The following HDAC9 variants were observed in gnomAD, a reference collection of about 807,000 sequenced individuals.
HDAC9 encodes the protein MEF-2 interacting transcription repressor (MITR) protein.
HDAC9 carries 41 observed loss-of-function variants against 139.4 expected under a neutral mutation model. That is an observed-to-expected ratio of 0.29 (90% CI 0.23 to 0.38). The LOEUF (loss-of-function observed/expected upper bound fraction) is 0.38, where lower values mean the gene tolerates loss of function less well. HDAC9 is among the 10% of genes least tolerant of loss of function. HDAC9 has a pLI of 1.00. For missense variants in HDAC9, 1,147 were observed against 1,297.0 expected (o/e 0.88, Z 1.78); for synonymous variants, 517 against 476.2 (o/e 1.09, Z -1.12).
chr7:18,820,360 T>C (rs891114658), intron 17 of HDAC9, among the ~76,000 whole-genome samples: 1 of 152,190 alleles, frequency 6.6e-6, no homozygotes, highest in Non-Finnish European at 1.5e-5. Context: ...AAAAATACTA[T>C]ACAAATTCCC....
chr7:18,401,543 A>T (rs1027499167), intron 1 of HDAC9, among the ~76,000 whole-genome samples: 3 of 152,168 alleles, frequency 2.0e-5, no homozygotes, highest in African/African-American at 7.2e-5. Flanking sequence ...CATGGTGGTG[A>T]TCATGGTATT....
chr7:18,784,958 TGTGTGTGTGTGTGTGTC>T (rs1791576867), intron 16 of HDAC9, among the ~76,000 whole-genome samples: 3 of 151,856 alleles, frequency 2.0e-5, no homozygotes, highest in South Asian at 4.2e-4. Context: ...TGTGTGTGTG[TGTGTGTGTGTGTGTGTC>T]TGTGTGTGCA....
intron 14 of HDAC9, among the ~76,000 whole-genome samples, chr7:18,751,542 G>A (rs893546954): frequency 1.3e-4 from 20 of 152,048 alleles, no homozygotes; most frequent in African/African-American, 4.6e-4. Flanking sequence ...AGCGAAGAAA[G>A]TATTGCCCAT....
At chr7:18,529,204 A>G (rs1368863745) in intron 2 of HDAC9, among the ~76,000 whole-genome samples, 1 of 152,182 alleles carries the variant, frequency 6.6e-6, no homozygotes, top group African/African-American at 2.4e-5. Context: ...ATCTTTTGAA[A>G]AATGGTCAAA....
At chr7:18,148,684 T>C (rs1786531063) in intron 1 of HDAC9, among the ~76,000 whole-genome samples, 1 of 152,128 alleles carries the variant, frequency 6.6e-6, no homozygotes, top group South Asian at 2.1e-4. Flanking sequence ...GGTCTCGAAC[T>C]CCTGACCTCA....
At chr7:18,806,454 C>A (rs1476317771) in intron 17 of HDAC9, among the ~76,000 whole-genome samples, 1 of 152,114 alleles carries the variant, frequency 6.6e-6, no homozygotes, top group African/African-American at 2.4e-5. Flanking sequence ...TCCTAGAGTA[C>A]TCTCCCCATT....
intron 2 of HDAC9, among the ~76,000 whole-genome samples, chr7:18,570,429 T>C (rs985590797): frequency 1.4e-4 from 22 of 152,216 alleles, no homozygotes; most frequent in African/African-American, 5.1e-4. Context: ...TATGAACAAA[T>C]GTTTTTCTTC....
intron 2 of HDAC9, among the ~76,000 whole-genome samples, chr7:18,542,722 C>G (rs976907292): frequency 1.3e-5 from 2 of 152,136 alleles, no homozygotes; most frequent in Non-Finnish European, 2.9e-5. Flanking sequence ...CTGTACTGTA[C>G]TGATGGGAGA....
At chr7:18,279,031 A>G (rs1796926164) in intron 2 of HDAC9, among the ~76,000 whole-genome samples, 1 of 152,194 alleles carries the variant, frequency 6.6e-6, no homozygotes, top group African/African-American at 2.4e-5. Context: ...AATAAATTAG[A>G]AAGATATCGG....
At chr7:18,963,434 A>G (rs1042089367) in intron 24 of HDAC9, among the ~76,000 whole-genome samples, 1 of 152,186 alleles carries the variant, frequency 6.6e-6, no homozygotes, top group Non-Finnish European at 1.5e-5. Context: ...ATGAACTCAA[A>G]TACATAAATA....
intron 7 of HDAC9, among the ~76,000 whole-genome samples, chr7:18,631,317 G>C (rs1195172432): frequency 2.0e-5 from 3 of 152,052 alleles, no homozygotes; most frequent in African/African-American, 7.2e-5. Flanking sequence ...AGACATTTCT[G>C]GTGAGTGGAC....
At chr7:18,984,348 C>G (rs953558388) in intron 25 of HDAC9, among the ~76,000 whole-genome samples, 1 of 151,948 alleles carries the variant, frequency 6.6e-6, no homozygotes, top group Non-Finnish European at 1.5e-5. Flanking sequence ...GTTGAGTAAG[C>G]TGGCTGGGTA....
At chr7:18,418,844 T>A (rs989501002) in intron 1 of HDAC9, among the ~76,000 whole-genome samples, 1 of 152,126 alleles carries the variant, frequency 6.6e-6, no homozygotes, top group Non-Finnish European at 1.5e-5. Context: ...CCCATAACAT[T>A]TTTGTACTCC....
intron 22 of HDAC9, among the ~76,000 whole-genome samples, chr7:18,883,804 A>G (rs1331687197): frequency 2.6e-5 from 4 of 152,170 alleles, no homozygotes; most frequent in Non-Finnish European, 5.9e-5. Context: ...GGTTCCAGCA[A>G]AAAAAACCTG....
At chr7:18,857,652 G>C (rs1797790592) in intron 21 of HDAC9, among the ~76,000 whole-genome samples, 1 of 152,028 alleles carries the variant, frequency 6.6e-6, no homozygotes, top group African/African-American at 2.4e-5. Flanking sequence ...CTTCATCCAT[G>C]CCATCTGAAC....
At chr7:18,953,487 A>C (rs11978418) in intron 23 of HDAC9, among the ~76,000 whole-genome samples, 3,144 of 152,238 alleles carry the variant, frequency 0.021, 105 homozygotes, top group African/African-American at 0.072. Flanking sequence ...ATGAAAAATT[A>C]GTGTAATTCC....
chr7:18,103,229 A>G (rs1782968328), intron 1 of HDAC9, among the ~76,000 whole-genome samples: 1 of 152,084 alleles, frequency 6.6e-6, no homozygotes, highest in Non-Finnish European at 1.5e-5. Context: ...AATTATCTCC[A>G]CCTGGCTCCA....
chr7:18,575,023 C>A (rs961955469), intron 2 of HDAC9, among the ~76,000 whole-genome samples: 4 of 152,240 alleles, frequency 2.6e-5, no homozygotes, highest in African/African-American at 9.6e-5. Context: ...GAGTGGGCAG[C>A]CCCCGCCCCC....
intron 24 of HDAC9, among the ~76,000 whole-genome samples, chr7:18,957,389 G>T (rs1412477964): frequency 1.3e-5 from 2 of 152,176 alleles, no homozygotes; most frequent in African/African-American, 2.4e-5. Context: ...AAAATTATGG[G>T]CTCCCTGATT....
Sources: allele counts gnomAD v4.1 joint callset (sites outside exome capture counted in the v4.1 genomes callset), GRCh38; gene constraint gnomAD v4.1.1; transcripts MANE v1.5; gene names NCBI Gene and HGNC (gene_info 2026-07-23, HGNC 2026-07-21).